Variants in CGNL1 observed in about 807,000 individuals in gnomAD.
The protein encoded by CGNL1 is cingulin-like protein 1.
A neutral mutation model predicts 141.2 loss-of-function variants in CGNL1; 132 were observed. That is an observed-to-expected ratio of 0.93 (90% CI 0.81 to 1.08). The LOEUF (loss-of-function observed/expected upper bound fraction) is 1.08. Among genes scored for constraint, CGNL1 ranks in the 50% least tolerant of loss-of-function variants. The pLI is 0.00. For synonymous variants in CGNL1, 690 were observed against 622.1 expected, an observed-to-expected ratio of 1.11 and a Z score of -1.63; for missense variants, 1,870 against 1,588.6, an observed-to-expected ratio of 1.18 and a Z score of -3.01.
intron 7 of CGNL1, among the ~76,000 whole-genome samples, chr15:57,455,693 AAG>A (rs1290579158): frequency 1.3e-5 from 2 of 152,210 alleles, no homozygotes; most frequent in Non-Finnish European, 2.9e-5. Context: ...TTTTTTAAAA[AAG>A]GGAATAATTC....
chr15:57,404,498 T>C (rs1337623738), intron 1 of CGNL1, among the ~76,000 whole-genome samples: 1 of 152,240 alleles, frequency 6.6e-6, no homozygotes, highest in African/African-American at 2.4e-5. Context: ...TTGAAAAATA[T>C]GGATCCTTGT....
intron 8 of CGNL1, among the ~76,000 whole-genome samples, chr15:57,477,893 G>A (rs11855136): frequency 0.036 from 5,459 of 152,236 alleles, 163 homozygotes; most frequent in Admixed American, 0.1. Flanking sequence ...GAGAGAAAAC[G>A]TGGCTGGCAG....
At chr15:57,405,798 C>CT (rs1764783839) in intron 1 of CGNL1, among the ~76,000 whole-genome samples, 1 of 125,630 alleles carries the variant, frequency 8.0e-6, no homozygotes, top group Non-Finnish European at 1.6e-5. Flanking sequence ...TTCTTTCTTT[C>CT]TTTCTTTCTT....
chr15:57,526,061 C>A lies in CGNL1; in HGVS notation c.3039+1310C>A, dbSNP rs986067480. 2.0e-5 allele frequency among the ~76,000 whole-genome samples: 3 copies of A among 151,928 alleles called. No homozygotes were observed. The South Asian group carries it at 6.2e-4, about 32-fold the overall frequency. On this transcript the variant is annotated intron_variant, in intron 12 of 18. Transcript: ENST00000281282. The stretch of plus-strand genomic sequence containing the variant: ...TATATAATGATTTTTATGATAGAAT[C>A]CTTGGGTTGGAAAGAAACATAGAGA...
chr15:57,531,991 C>T (rs1161921070), intron 14 of CGNL1, among the ~76,000 whole-genome samples: 1 of 152,140 alleles, frequency 6.6e-6, no homozygotes, highest in Non-Finnish European at 1.5e-5. Context: ...ACTCCTTGGT[C>T]AGATTATTTC....
rs758390323 is a variant in CGNL1, at chr15:57,439,469, G to C, written c.1470G>C (p.Gln490His). 4.3e-6 allele frequency: 7 copies of C among 1,614,096 alleles called. No individual in the cohort carries two copies. Among genetic ancestry groups the C allele is most frequent in the Non-Finnish European group, 5.9e-6 (7 of 1,180,046 alleles). Residue 490 changes from glutamine to histidine, a missense_variant, in exon 2 of 19, where the codon CAG becomes CAC. By Grantham distance (24) the Gln-to-His change is conservative. Transcript: ENST00000281282. The part of the protein sequence containing the change: ...TVIRAPSLGA[Q>H]SKKEEEVKTA... ...TCCGTGCGCCCTCCCTTGGTGCACA[G>C]AGTAAAAAGGAGGAGGAGGTGAAAA...
Position 57,531,843 on chromosome 15 carries a change from A to G in CGNL1, c.3291+64A>G, listed in dbSNP as rs2031970522. 2.9e-6 allele frequency: 3 copies of G among 1,028,326 alleles called. No homozygotes were observed. In the African/African-American group the frequency reaches 4.7e-5, roughly 16 times the overall value. 63.7% of individuals were successfully genotyped at this position (1,028,326 alleles called of 1,614,324 possible). On this transcript the variant is annotated intron_variant, in intron 14 of 18. Coordinates refer to ENST00000281282, the MANE Select transcript of CGNL1 (RefSeq NM_032866.5). ...TGTGAAAAAGGAACATGAGGGGTTAATCCTGGGGCTTCAGTTAAGTCCAGG... is the reference window on the plus strand; with the variant it reads ...TGTGAAAAAGGAACATGAGGGGTTAGTCCTGGGGCTTCAGTTAAGTCCAGG...
intron 8 of CGNL1, among the ~76,000 whole-genome samples, chr15:57,493,614 T>C (rs1274505330): frequency 2.0e-5 from 3 of 152,192 alleles, no homozygotes; most frequent in African/African-American, 7.2e-5. Flanking sequence ...GGATTAACTA[T>C]AGAATGAAGA....
At chr15:57,475,280 T>C (rs1164841261) in intron 8 of CGNL1, among the ~76,000 whole-genome samples, 3 of 152,216 alleles carry the variant, frequency 2.0e-5, no homozygotes, top group African/African-American at 4.8e-5. Context: ...CCCTCACTGT[T>C]GTCCCTGGTG....
At chr15:57,544,319 G>C (rs555001984) in intron 15 of CGNL1, among the ~76,000 whole-genome samples, 154 bp from the exon 16 acceptor site, 11 of 152,362 alleles carry the variant, frequency 7.2e-5, no homozygotes, top group African/African-American at 2.2e-4. Flanking sequence ...AAACATCTCT[G>C]TGTTCCCCAG....
intron 14 of CGNL1, among the ~76,000 whole-genome samples, chr15:57,540,936 C>G (rs1437277407): frequency 6.6e-6 from 1 of 152,210 alleles, no homozygotes; most frequent in Admixed American, 6.5e-5. Context: ...GTGGGTTTTC[C>G]CCAGGGGAAA....
Position 57,523,571 on chromosome 15 carries a change from G to A in CGNL1, c.2798G>A (p.Arg933Lys). The change falls in exon 11 of 19, where the codon AGA (arginine) becomes AAA (lysine). Residue 933 changes from arginine to lysine, a missense_variant. By Grantham distance (26) the Arg-to-Lys change is conservative. Coordinates refer to ENST00000281282, the MANE Select transcript of CGNL1 (RefSeq NM_032866.5). ...KEESEQKEQLRRLKNEMENER... is the reference protein window; with the variant it reads ...KEESEQKEQLKRLKNEMENER... ...GAGAGTGAGCAGAAGGAGCAGCTAA[G>A]AAGGTTGAAGAACGAGATGGAGAAT... 6.2e-7 allele frequency: 1 copy of A among 1,614,198 alleles called. No individual in the cohort carries two copies. The highest frequency in any genetic ancestry group is 1.6e-4 in the Middle Eastern group (1 of 6,062).
chr15:57,535,531 A>G (rs1348377026), intron 14 of CGNL1, among the ~76,000 whole-genome samples: 2 of 152,218 alleles, frequency 1.3e-5, no homozygotes, highest in African/African-American at 4.8e-5. Context: ...GATTCTAGAT[A>G]GAAGGAATGG....
chr15:57,536,381 A>G (rs183522114), intron 14 of CGNL1, among the ~76,000 whole-genome samples: 1 of 152,314 alleles, frequency 6.6e-6, no homozygotes, highest in African/African-American at 2.4e-5. Context: ...TATTATTCAG[A>G]GTGATGGATT....
intron 18 of CGNL1, 37 bp downstream of exon 18, chr15:57,546,276 C>A (rs1313024042): frequency 6.5e-7 from 1 of 1,535,326 alleles, no homozygotes; most frequent in Non-Finnish European, 8.8e-7. Context: ...GCCGGGTAAT[C>A]TCCCCACAGT....
At chr15:57,483,765 T>C (rs944344018) in intron 8 of CGNL1, among the ~76,000 whole-genome samples, 2 of 152,202 alleles carry the variant, frequency 1.3e-5, no homozygotes, top group Admixed American at 6.5e-5. Flanking sequence ...AATTGGATGC[T>C]CTTTAGTTGA....
Position 57,524,702 on chromosome 15 carries a change from C to T in CGNL1, c.2990C>T (p.Thr997Met), listed in dbSNP as rs370555915. 2.8e-5 allele frequency: 45 copies of T among 1,614,014 alleles called. 2 individuals carry two copies. The highest frequency in any genetic ancestry group is 1.9e-4 in the South Asian group (17 of 91,082). Residue 997 changes from threonine to methionine, a missense_variant, in exon 12 of 19, where the codon ACG (threonine) becomes ATG (methionine). Physicochemically the swap from Thr to Met is moderately conservative, Grantham distance 81. Transcript: ENST00000281282. ...AEMQRQLKEK[T>M]LEAEKSRLTA... is the part of the protein sequence containing the mutation. The stretch of plus-strand genomic sequence containing the variant: ...ATGCAAAGACAGTTGAAGGAGAAAA[C>T]GCTGGAGGCAGAAAAGTCCCGACTG...
chr15:57,473,920 T>C (rs1344354728), intron 8 of CGNL1, among the ~76,000 whole-genome samples: 1,574 of 132,398 alleles, frequency 0.012, 10 homozygotes, highest in Non-Finnish European at 0.02. Context: ...TTTTTTTTTT[T>C]TTTTTCTGAG....
At chr15:57,475,815 T>C (rs1211779484) in intron 8 of CGNL1, among the ~76,000 whole-genome samples, 1 of 152,086 alleles carries the variant, frequency 6.6e-6, no homozygotes, top group Non-Finnish European at 1.5e-5. Context: ...CATATTAGCC[T>C]GTCTGTCCCC....
Sources: allele counts gnomAD v4.1 joint callset (sites outside exome capture counted in the v4.1 genomes callset), GRCh38; gene constraint gnomAD v4.1.1; transcripts MANE v1.5; gene names NCBI Gene and HGNC (gene_info 2026-07-23, HGNC 2026-07-21).